ANK3: variants seen among roughly 807,000 people sequenced by gnomAD.
ANK3 encodes the protein ankyrin 3, also known as ankyrin-3.
In ANK3, 57 loss-of-function variants were observed where a neutral mutation model predicts 370.9. The ratio of observed to expected loss-of-function variants is 0.15; its 90% confidence interval spans 0.12 to 0.19. The LOEUF is 0.19. Among genes scored for constraint, ANK3 ranks in the 10% least tolerant of loss-of-function variants. ANK3 has a pLI of 1.00. For synonymous variants in ANK3, 1,929 were observed against 1,946.3 expected, an observed-to-expected ratio of 0.99 and a Z score of 0.23; for missense variants, 4,439 against 5,302.1, an observed-to-expected ratio of 0.84 and a Z score of 5.06.
intron 1 of ANK3, among the ~76,000 whole-genome samples, chr10:60,353,628 G>A (rs559521647): frequency 2.0e-5 from 3 of 152,270 alleles, no homozygotes; most frequent in Admixed American, 6.5e-5. Context: ...CTGAACAGCC[G>A]AGGCAGAAGA....
intron 2 of ANK3, among the ~76,000 whole-genome samples, chr10:60,415,906 C>A (rs1363785793): frequency 8.4e-6 from 1 of 119,092 alleles, no homozygotes; most frequent in East Asian, 2.6e-4. Flanking sequence ...ATTGTATGGT[C>A]TGAATTTGTG....
In ANK3 at chr10:60,076,531, G is replaced by A. The variant is rs1436631583; in HGVS notation, c.4433-83C>T. 4.1e-6 allele frequency: 6 copies of A among 1,465,416 alleles called. No homozygotes were observed. The African/African-American group carries it at 5.7e-5, about 14-fold the overall frequency. The allele number at this position is 1,465,416 out of a possible 1,614,324, so 90.8% of individuals were successfully genotyped here. ...AACAGAGAGACCAGAGAAAAAAATTGGTCAGTAAACTTTGAAATATTACAA... is the reference window on the plus strand; with the variant it reads ...AACAGAGAGACCAGAGAAAAAAATTAGTCAGTAAACTTTGAAATATTACAA... On this transcript the variant is annotated intron_variant, in intron 36 of 43. Transcript: ENST00000280772.
chr10:60,532,935 C>A (rs1340377567), intron 2 of ANK3, among the ~76,000 whole-genome samples: 1 of 152,016 alleles, frequency 6.6e-6, no homozygotes, highest in East Asian at 1.9e-4. Context: ...CAAGTACCCT[C>A]AGGAGGATGT....
chr10:60,706,029 G>A (rs2079612250), intron 1 of ANK3, among the ~76,000 whole-genome samples: 1 of 151,930 alleles, frequency 6.6e-6, no homozygotes, highest in Admixed American at 6.6e-5. Flanking sequence ...TTGCCATGTT[G>A]CCCAGGCTGG....
chr10:60,587,751 A>C (rs1165460259), intron 2 of ANK3, among the ~76,000 whole-genome samples: 2 of 152,202 alleles, frequency 1.3e-5, no homozygotes, highest in Non-Finnish European at 2.9e-5. Flanking sequence ...CCAACAAACC[A>C]AACTACTTAA....
chr10:60,350,381 T>C (rs2056601704), intron 1 of ANK3, among the ~76,000 whole-genome samples: 1 of 152,162 alleles, frequency 6.6e-6, no homozygotes, highest in Non-Finnish European at 1.5e-5. Flanking sequence ...TTTAAATAAA[T>C]GTGGTTGAAA....
intron 2 of ANK3, among the ~76,000 whole-genome samples, chr10:60,445,195 C>T (rs1487229475): frequency 6.6e-6 from 1 of 152,062 alleles, no homozygotes; most frequent in Non-Finnish European, 1.5e-5. Flanking sequence ...TTGATACCAG[C>T]CTGGGCAACA....
At chr10:60,281,158 G>A (rs1303291247) in intron 1 of ANK3, among the ~76,000 whole-genome samples, 1 of 152,202 alleles carries the variant, frequency 6.6e-6, no homozygotes, top group African/African-American at 2.4e-5. Flanking sequence ...CCTCAGAGGA[G>A]AGGCCACTGC....
chr10:60,192,626 A>G (rs765981040), intron 16 of ANK3, among the ~76,000 whole-genome samples: 21 of 152,174 alleles, frequency 1.4e-4, no homozygotes, highest in Non-Finnish European at 2.8e-4. Flanking sequence ...TCTTGCCTGA[A>G]AGCGAGAGCT....
intron 2 of ANK3, among the ~76,000 whole-genome samples, chr10:60,606,245 A>G (rs545236563): frequency 2.0e-5 from 3 of 152,184 alleles, no homozygotes; most frequent in Non-Finnish European, 4.4e-5. Context: ...TAATAAACAC[A>G]GTTATAAATT....
intron 1 of ANK3, among the ~76,000 whole-genome samples, chr10:60,380,761 C>A (rs1213318953): frequency 6.6e-6 from 1 of 152,102 alleles, no homozygotes; most frequent in South Asian, 2.1e-4. Context: ...GGAAAGATGT[C>A]CAGGTTTCAG....
At chr10:60,562,895 T>C (rs1023963611) in intron 2 of ANK3, among the ~76,000 whole-genome samples, 2 of 152,228 alleles carry the variant, frequency 1.3e-5, no homozygotes, top group African/African-American at 4.8e-5. Flanking sequence ...TATTAATTAT[T>C]CATATGATTA....
chr10:60,519,217 G>A (rs191070900), intron 2 of ANK3, among the ~76,000 whole-genome samples: 6 of 152,234 alleles, frequency 3.9e-5, no homozygotes, highest in Admixed American at 2.0e-4. Flanking sequence ...CTCCAGCAAA[G>A]AGGCTGAGAA....
At chr10:60,622,563 C>A (rs1039745788) in intron 1 of ANK3, among the ~76,000 whole-genome samples, 1 of 152,082 alleles carries the variant, frequency 6.6e-6, no homozygotes, top group Non-Finnish European at 1.5e-5. Context: ...AAAGTCACTT[C>A]TAAGAGAGAA....
intron 5 of ANK3, among the ~76,000 whole-genome samples, chr10:60,269,461 T>G (rs1250104674): frequency 6.6e-6 from 1 of 152,180 alleles, no homozygotes; most frequent in Non-Finnish European, 1.5e-5. Context: ...CTGGCCAAGA[T>G]GGTGAAACCC....
At chr10:60,289,755 G>A (rs1435729486) in intron 1 of ANK3, among the ~76,000 whole-genome samples, 3 of 152,158 alleles carry the variant, frequency 2.0e-5, no homozygotes, top group African/African-American at 4.8e-5. Context: ...GCACTGAGAA[G>A]TAATTTTTGG....
intron 18 of ANK3, among the ~76,000 whole-genome samples, chr10:60,180,151 C>T (rs2096113599): frequency 6.6e-6 from 1 of 152,216 alleles, no homozygotes; most frequent in South Asian, 2.1e-4. Flanking sequence ...GGTGTCAATA[C>T]CCTTTTATCT....
chr10:60,111,859 TAAA>T (rs1188030197), intron 26 of ANK3: 1 of 430,182 alleles, frequency 2.3e-6, no homozygotes, highest in Non-Finnish European at 4.6e-6. Context: ...AAAGGAAAAA[TAAA>T]AACCATCAGA....
At chr10:60,578,526 GA>G (rs2133276315) in intron 2 of ANK3, among the ~76,000 whole-genome samples, 1 of 152,288 alleles carries the variant, frequency 6.6e-6, no homozygotes, top group East Asian at 1.9e-4. Flanking sequence ...AGAATCTAAA[GA>G]TATTCCCTTG....
Sources: gnomAD v4.1 joint callset for allele counts (sites outside exome capture counted in the v4.1 genomes callset) on GRCh38, gnomAD v4.1.1 for gene constraint, MANE v1.5 for transcripts, NCBI Gene and HGNC (gene_info 2026-07-23, HGNC 2026-07-21) for gene names.